Variants in RUVBL1 observed in about 807,000 individuals in gnomAD.
RUVBL1 encodes RuvB like AAA ATPase 1, also known as ruvB-like 1.
A neutral mutation model predicts 52.4 loss-of-function variants in RUVBL1; 4 were observed. The observed-to-expected ratio is 0.08, with a 90% CI of 0.04 to 0.17. RUVBL1 has a LOEUF of 0.17. Among genes scored for constraint, RUVBL1 ranks in the 10% least tolerant of loss-of-function variants. The pLI is 1.00. For missense variants in RUVBL1, 298 were observed against 572.8 expected (o/e 0.52, Z 4.90); for synonymous variants, 217 against 214.4 (o/e 1.01, Z -0.10).
At chr3:128,087,658 C>G in intron 9 of RUVBL1, 48 bp downstream of exon 9, 1 of 1,483,830 alleles carries the variant, frequency 6.7e-7, no homozygotes, top group Non-Finnish European at 9.3e-7. Flanking sequence ...CCAGTGAACA[C>G]TGGGAGCAAA....
chr3:128,099,448 T>C (rs1265958590), intron 6 of RUVBL1, among the ~76,000 whole-genome samples: 2 of 152,218 alleles, frequency 1.3e-5, no homozygotes, highest in Admixed American at 6.5e-5. Flanking sequence ...AGAGTAAGTA[T>C]AAAGAGCAAG....
In RUVBL1 at chr3:128,067,689, A is replaced by G; in HGVS notation, c.940-2469T>C. On this transcript the variant is annotated intron_variant, in intron 9 of 9. Transcript: ENST00000464873. The surrounding 1 kb of genome is among the most constrained non-coding windows in gnomAD (Gnocchi z 4.1). ...AGGGGTGTGGACTTGTCACCTCATC[A>G]TAAATAATGGTCTGTGACGTGTGCA... is the stretch of plus-strand genomic sequence containing the variant. 4 of 1,174,924 alleles carry G rather than the reference A, an allele frequency of 3.4e-6. No homozygotes were observed. Among genetic ancestry groups the G allele is most frequent in the Non-Finnish European group, 4.9e-6 (4 of 817,740 alleles). The allele number at this position is 1,174,924 out of a possible 1,614,324, so 72.8% of individuals were successfully genotyped here.
At chr3:128,143,352 TA>T (rs1944059250) in intron 1 of RUVBL1, among the ~76,000 whole-genome samples, 1 of 151,998 alleles carries the variant, frequency 6.6e-6, no homozygotes, top group South Asian at 2.1e-4. Context: ...TTTGTATTTT[TA>T]GTAGAGACGA....
At chr3:128,118,575 T>C (rs996193567) in intron 2 of RUVBL1, among the ~76,000 whole-genome samples, 1 of 147,350 alleles carries the variant, frequency 6.8e-6, no homozygotes, top group African/African-American at 2.4e-5. Flanking sequence ...CAAGCTCAAA[T>C]TGGGAACTCT....
intron 3 of RUVBL1, among the ~76,000 whole-genome samples, chr3:128,107,028 C>T (rs911601828): frequency 6.6e-6 from 1 of 152,160 alleles, no homozygotes; most frequent in Non-Finnish European, 1.5e-5. Flanking sequence ...CTTTTCTGTA[C>T]ATATGCATAA....
chr3:128,095,481 TGCTGGATC>T (rs1168176619), intron 8 of RUVBL1, among the ~76,000 whole-genome samples: 1 of 152,256 alleles, frequency 6.6e-6, no homozygotes, highest in Non-Finnish European at 1.5e-5. Context: ...CAAGTAGCCA[TGCTGGATC>T]TGGCACACAC....
At chr3:128,079,676 G>A (rs1942418804), downstream of RUVBL1, among the ~76,000 whole-genome samples, 1 of 152,176 alleles carries the variant, frequency 6.6e-6, no homozygotes, top group Admixed American at 6.5e-5. Flanking sequence ...TCTCCTCAGG[G>A]GCCAGGCCGA....
At chr3:128,146,757 G>A (rs754990344) in intron 1 of RUVBL1, among the ~76,000 whole-genome samples, 7 of 151,016 alleles carry the variant, frequency 4.6e-5, no homozygotes, top group East Asian at 2.0e-4. Flanking sequence ...GTGTGTGTAC[G>A]TACATCTGTG....
At chr3:128,113,343 T>C (rs1943438156) in intron 2 of RUVBL1, among the ~76,000 whole-genome samples, 1 of 152,188 alleles carries the variant, frequency 6.6e-6, no homozygotes, top group South Asian at 2.1e-4. Context: ...CATGAGAAAC[T>C]GAGAGACATT....
At position 128,082,640 on chromosome 3, in the gene RUVBL1, T is replaced by A; in HGVS notation, c.1120-66A>T. 8.0e-7 allele frequency: 1 copy of A among 1,256,792 alleles called. No homozygotes were observed. Among genetic ancestry groups the A allele is most frequent in the Non-Finnish European group, 1.1e-6 (1 of 881,210 alleles). 77.9% of individuals were successfully genotyped at this position (1,256,792 alleles called of 1,614,324 possible). A position where few individuals can be genotyped will look rare whatever the true frequency, so the allele number is the denominator to read the frequency against. ...CAAGTGCCCCATTTCTAAAGTGCTT[T>A]AAAGACAATGTTGCTCAGATTTCTC... On this transcript the variant is annotated intron_variant, in intron 9 of 10. Transcript: ENST00000322623. This position sits in a 1 kb window ranked among gnomAD's most constrained non-coding sequence, Gnocchi z 4.7.
At chr3:128,116,742 T>C (rs569539119) in intron 2 of RUVBL1, among the ~76,000 whole-genome samples, 24 of 152,226 alleles carry the variant, frequency 1.6e-4, no homozygotes, top group Non-Finnish European at 2.6e-4. Flanking sequence ...CATGGAATCA[T>C]ATGATGAGCT....
chr3:128,143,436 G>T (rs1559838019), intron 1 of RUVBL1, among the ~76,000 whole-genome samples: 1 of 151,970 alleles, frequency 6.6e-6, no homozygotes, highest in Non-Finnish European at 1.5e-5. Context: ...CTCCCAAAGT[G>T]CTGGGATTAC....
chr3:128,128,143 C>A (rs971963255), upstream of RUVBL1, among the ~76,000 whole-genome samples: 1 of 152,106 alleles, frequency 6.6e-6, no homozygotes, highest in Admixed American at 6.5e-5. Context: ...CGCCACCACA[C>A]CCAGCTAATT....
rs1559799242 is a variant in RUVBL1, at chr3:128,067,885, T to C, written c.940-2665A>G. 1.1e-6 allele frequency: 1 copy of C among 938,550 alleles called. No individual in the cohort carries two copies. The allele number at this position is 938,550 out of a possible 1,614,324, so 58.1% of individuals were successfully genotyped here. On this transcript the variant is annotated intron_variant, in intron 9 of 9. Coordinates refer to the RUVBL1 transcript ENST00000464873. The surrounding 1 kb of genome is among the most constrained non-coding windows in gnomAD (Gnocchi z 4.1). Reference sequence around the variant, plus strand: ...AAGTTCTCTGTATGAATATTGTCAGTGCTCGAAGAGGCGATCTGTAACTGT... The same window carrying C: ...AAGTTCTCTGTATGAATATTGTCAGCGCTCGAAGAGGCGATCTGTAACTGT...
intron 3 of RUVBL1, 117 bp from the exon 4 acceptor site, chr3:128,105,041 G>T: frequency 8.9e-7 from 1 of 1,120,328 alleles, no homozygotes; most frequent in Non-Finnish European, 1.2e-6. Flanking sequence ...GTACATTCCA[G>T]GGTGTCATGA....
At chr3:128,069,673 C>A in intron 9 of RUVBL1, 1 of 1,613,244 alleles carries the variant, frequency 6.2e-7, no homozygotes, top group Non-Finnish European at 8.5e-7. Flanking sequence ...GCCCGTCTCC[C>A]GGACAGGTTG....
upstream of RUVBL1, among the ~76,000 whole-genome samples, chr3:128,125,275 A>C (rs1943769105): frequency 1.3e-5 from 2 of 152,118 alleles, no homozygotes; most frequent in African/African-American, 4.8e-5. Flanking sequence ...TCGGCCTCCC[A>C]AAGTGCTGGG....
chr3:128,129,442 G>C (rs1559832663), intron 1 of RUVBL1, among the ~76,000 whole-genome samples: 1 of 152,088 alleles, frequency 6.6e-6, no homozygotes. Context: ...GCTATGAACA[G>C]CTATAATAAA....
chr3:128,066,606 TAG>T, intron 9 of RUVBL1: 1 of 263,484 alleles, frequency 3.8e-6, no homozygotes. Context: ...TTATTTTTTG[TAG>T]AGACGGAGTC....
Sources: gnomAD v4.1 joint callset for allele counts (sites outside exome capture counted in the v4.1 genomes callset) on GRCh38, gnomAD v4.1.1 for gene constraint, Gnocchi (gnomAD v3.1) non-coding constraint, MANE v1.5 for transcripts, NCBI Gene and HGNC (gene_info 2026-07-23, HGNC 2026-07-21) for gene names.